Variants in CACNA1D observed in about 807,000 individuals in gnomAD.
CACNA1D encodes the protein voltage-dependent L-type calcium channel subunit alpha-1D.
A neutral mutation model predicts 257.1 loss-of-function variants in CACNA1D; 55 were observed. The ratio of observed to expected loss-of-function variants is 0.21; its 90% CI spans 0.17 to 0.27. The LOEUF (loss-of-function observed/expected upper bound fraction) is 0.27, where lower values mean the gene tolerates loss of function less well. Among genes scored for constraint, CACNA1D ranks in the 10% least tolerant of loss-of-function variants. The pLI is 1.00. For missense variants in CACNA1D, 1,876 were observed against 2,784.0 expected, an observed-to-expected ratio of 0.67 and a Z score of 7.34; for synonymous variants, 980 against 1,014.9, an observed-to-expected ratio of 0.97 and a Z score of 0.65.
intron 9 of CACNA1D, among the ~76,000 whole-genome samples, chr3:53,707,259 C>T (rs936379903): frequency 3.9e-5 from 6 of 152,058 alleles, no homozygotes; most frequent in Non-Finnish European, 8.8e-5. Flanking sequence ...CATACTCCAC[C>T]CTCTAAGACT....
At chr3:53,775,422 C>G (rs972305722) in intron 34 of CACNA1D, among the ~76,000 whole-genome samples, 1 of 152,068 alleles carries the variant, frequency 6.6e-6, no homozygotes, top group Non-Finnish European at 1.5e-5. Context: ...ACTAAAAATA[C>G]AAAAATTAGC....
intron 40 of CACNA1D, among the ~76,000 whole-genome samples, chr3:53,798,320 T>C (rs1576702093): frequency 2.0e-5 from 3 of 148,152 alleles, no homozygotes; most frequent in African/African-American, 5.1e-5. Flanking sequence ...TGTGTGTGTG[T>C]GTGTGTGCGT....
intron 3 of CACNA1D, among the ~76,000 whole-genome samples, chr3:53,548,060 C>A (rs1374289865): frequency 1.3e-5 from 2 of 152,134 alleles, no homozygotes; most frequent in African/African-American, 4.8e-5. Flanking sequence ...GTCCCCACTT[C>A]CATCAAGGAG....
Position 53,732,034 on chromosome 3 carries a change from A to G in CACNA1D, c.2425A>G (p.Arg809Gly). 1 of 1,610,248 alleles carries G rather than the reference A, an allele frequency of 6.2e-7. No individual in the cohort carries two copies. The highest frequency in any genetic ancestry group is 8.5e-7 in the Non-Finnish European group (1 of 1,176,360). The change falls in exon 18 of 48, where the codon AGA (arginine) becomes GGA (glycine). Residue 809 changes from arginine (R) to glycine (G), a missense_variant. Arg to Gly is a moderately radical substitution (Grantham distance 125). This residue lies in a region of CACNA1D where 78 missense variants were observed against 69.2 expected (regional missense o/e 1.13). Transcript: ENST00000350061. ...ATCCTAGGTTACAATTGATGACTAT[A>G]GAGAAGAGGATGAAGACAAGGACCC... The part of the protein sequence containing the change: ...SDNKVTIDDY[R>G]EEDEDKDPYP...
intron 3 of CACNA1D, among the ~76,000 whole-genome samples, chr3:53,587,983 C>T (rs746901263): frequency 6.6e-6 from 1 of 152,142 alleles, no homozygotes; most frequent in Non-Finnish European, 1.5e-5. Flanking sequence ...CAAATTTACT[C>T]AATTAGATCT....
At position 53,732,825 on chromosome 3, in the gene CACNA1D, G is replaced by A. The variant is rs1436571229; in HGVS notation, c.2484G>A (p.Glu828=). The A allele has an allele frequency of 1.9e-6, 3 of 1,613,036 alleles. No homozygotes were observed. In the Admixed American group the frequency reaches 5.0e-5, roughly 27 times the overall value. ...GTATTTCATTTAAAGTAGGGGAAGAGGAAGAGGAAGAGGAGGAGGATGAAC... is the reference window on the plus strand; with the variant it reads ...GTATTTCATTTAAAGTAGGGGAAGAAGAAGAGGAAGAGGAGGAGGATGAAC... ...YPPCDVPVGE[E]EEEEEEDEPE... Residue 828 remains glutamate, a synonymous_variant, in exon 19 of 48, where the codon GAG becomes GAA. Coordinates refer to ENST00000350061, the MANE Select transcript of CACNA1D (RefSeq NM_001128840.3).
At chr3:53,766,501 T>C (rs977829388) in intron 30 of CACNA1D, among the ~76,000 whole-genome samples, 1 of 152,264 alleles carries the variant, frequency 6.6e-6, no homozygotes, top group African/African-American at 2.4e-5. Flanking sequence ...TCCTCTCAGC[T>C]CTTCCAAGCA....
At chr3:53,601,957 C>T (rs749004538) in intron 3 of CACNA1D, among the ~76,000 whole-genome samples, 4 of 152,218 alleles carry the variant, frequency 2.6e-5, no homozygotes, top group South Asian at 2.1e-4. Flanking sequence ...GTAATCGGCC[C>T]GCCTCAGCCT....
At position 53,650,879 on chromosome 3, in the gene CACNA1D, A is replaced by G; in HGVS notation, c.584A>G (p.Asn195Ser). The change falls in exon 4 of 48, where the codon AAT becomes AGT. Residue 195 changes from asparagine (N) to serine (S), a missense_variant. Asn to Ser is a conservative substitution (Grantham distance 46). Transcript: ENST00000350061. ...CTACATCCTAATGCTTATGTTAGGA[A>G]TGGATGGAATTTACTGGATTTTGTT... ...LLLHPNAYVR[N>S]GWNLLDFVIV... 6.2e-7 allele frequency: 1 copy of G among 1,606,764 alleles called. No homozygotes were observed. The highest frequency in any genetic ancestry group is 8.5e-7 in the Non-Finnish European group (1 of 1,174,392).
intron 30 of CACNA1D, among the ~76,000 whole-genome samples, chr3:53,763,485 C>T (rs892701144): frequency 3.9e-5 from 6 of 152,206 alleles, no homozygotes; most frequent in African/African-American, 1.2e-4. Flanking sequence ...GTTCCCAGTT[C>T]ATCAGCAAGT....
chr3:53,499,951 ATGAGT>A (rs2090518686), intron 2 of CACNA1D, among the ~76,000 whole-genome samples: 1 of 152,148 alleles, frequency 6.6e-6, no homozygotes, highest in Admixed American at 6.6e-5. Context: ...ATAATATTAG[ATGAGT>A]TGAGAGAACC....
At chr3:53,678,553 T>C (rs1290135958) in intron 8 of CACNA1D, among the ~76,000 whole-genome samples, 1 of 152,214 alleles carries the variant, frequency 6.6e-6, no homozygotes, top group Non-Finnish European at 1.5e-5. Flanking sequence ...CGAAGCATTA[T>C]AGAAAACTGA....
intron 3 of CACNA1D, among the ~76,000 whole-genome samples, chr3:53,553,945 T>C (rs370870834): frequency 9.3e-5 from 14 of 151,164 alleles, no homozygotes; most frequent in East Asian, 1.9e-4. Flanking sequence ...ACCTGTAATC[T>C]CAGCACTTTG....
intron 8 of CACNA1D, chr3:53,674,015 A>T: frequency 3.1e-6 from 2 of 653,726 alleles, no homozygotes; most frequent in Non-Finnish European, 5.6e-6. Flanking sequence ...TGCTTGCCAA[A>T]CACTGTTAAT....
intron 3 of CACNA1D, among the ~76,000 whole-genome samples, chr3:53,557,270 G>T (rs1164649373): frequency 6.6e-6 from 1 of 152,022 alleles, no homozygotes; most frequent in African/African-American, 2.4e-5. Context: ...CGAGGAGGGC[G>T]GGTCACCTGA....
intron 14 of CACNA1D, among the ~76,000 whole-genome samples, chr3:53,726,165 G>A (rs1439136813): frequency 1.3e-5 from 2 of 152,188 alleles, no homozygotes; most frequent in Non-Finnish European, 2.9e-5. Flanking sequence ...CAAGCCAGTT[G>A]CAGAAAACTT....
chr3:53,767,288 G>A (rs1203563284), intron 30 of CACNA1D, among the ~76,000 whole-genome samples: 1 of 152,160 alleles, frequency 6.6e-6, no homozygotes, highest in Non-Finnish European at 1.5e-5. Context: ...ATGGAGGTCT[G>A]GCGCAGTGGC....
chr3:53,494,914 T>C lies in CACNA1D; in HGVS notation c.-253T>C. ...TTAAGATAATATATACATTGGATTT[T>C]ATTTTTTTAAAAAGTTTATTTTGCT... On this transcript the variant is annotated 5_prime_UTR_variant, in exon 1 of 48. Transcript: ENST00000350061. 1 of 495,952 alleles carries C rather than the reference T, an allele frequency of 2.0e-6. No homozygotes were observed. The highest frequency in any genetic ancestry group is 3.6e-6 in the Non-Finnish European group (1 of 275,132). 30.7% of individuals were successfully genotyped at this position (495,952 alleles called of 1,614,324 possible). A position where few individuals can be genotyped will look rare whatever the true frequency, so the allele number is the denominator to read the frequency against.
intron 3 of CACNA1D, among the ~76,000 whole-genome samples, chr3:53,545,845 G>A (rs1049440947): frequency 5.3e-5 from 8 of 152,202 alleles, no homozygotes; most frequent in Admixed American, 1.3e-4. Flanking sequence ...AGTCCAGATT[G>A]TTTCTATTGT....
Sources: gnomAD v4.1 joint callset for allele counts (sites outside exome capture counted in the v4.1 genomes callset) on GRCh38, gnomAD v4.1.1 for gene constraint, gnomAD v4.1.1 regional missense constraint, MANE v1.5 for transcripts, NCBI Gene and HGNC (gene_info 2026-07-23, HGNC 2026-07-21) for gene names.